NDUFV1: variants seen among roughly 807,000 people sequenced by gnomAD.
NDUFV1 encodes NADH:ubiquinone oxidoreductase core subunit V1.
NDUFV1 carries 41 observed loss-of-function variants against 48.7 expected under a neutral mutation model. That is an observed-to-expected ratio of 0.84 (90% CI 0.66 to 1.09). NDUFV1 has a LOEUF of 1.09. Among genes scored for constraint, NDUFV1 ranks in the 50% least tolerant of loss-of-function variants. NDUFV1 has a pLI of 0.00. For missense variants in NDUFV1, 580 were observed against 645.4 expected, an observed-to-expected ratio of 0.90 and a Z score of 1.10; for synonymous variants, 231 against 259.1, an observed-to-expected ratio of 0.89 and a Z score of 1.04.
rs148408365 is a variant in NDUFV1, at chr11:67,611,554, C to A, written c.1065C>A (p.Ile355=). The part of the protein sequence containing the change: ...AQTGLGTAAV[I]VMDRSTDIVK... ...CAGGCCTGGGCACAGCTGCGGTGAT[C>A]GTCATGGACCGCTCGGTAAGGGTTC... is the stretch of plus-strand genomic sequence containing the variant. Residue 355 remains isoleucine (I), a synonymous_variant, in exon 7 of 10, where the codon ATC becomes ATA. Coordinates refer to ENST00000322776, the MANE Select transcript of NDUFV1 (RefSeq NM_007103.4). The surrounding 1 kb of genome is among the most constrained non-coding windows in gnomAD (Gnocchi z 4.2). The A allele has an allele frequency of 1.2e-6, 2 of 1,606,850 alleles. No individual in the cohort carries two copies. The highest frequency in any genetic ancestry group is 8.5e-7 in the Non-Finnish European group (1 of 1,176,694).
chr11:67,610,616 C>T (rs1406988492), intron 5 of NDUFV1, 46 bp downstream of exon 5: 4 of 1,603,982 alleles, frequency 2.5e-6, no homozygotes, highest in African/African-American at 1.3e-5. Flanking sequence ...CTGTGACACC[C>T]GGGATCTGGC....
intron 5 of NDUFV1, 156 bp downstream of exon 5, chr11:67,610,726 C>A: frequency 9.5e-7 from 1 of 1,055,348 alleles, no homozygotes; most frequent in South Asian, 1.4e-5. Context: ...CCCCCAGGGC[C>A]GCCTGCTGTC....
chr11:67,611,236 G>T lies in NDUFV1; in HGVS notation c.913+29G>T, dbSNP rs11227858. On this transcript the variant is annotated intron_variant, in intron 6 of 9. Transcript: ENST00000322776. The surrounding 1 kb of genome is among the most constrained non-coding windows in gnomAD (Gnocchi z 4.2). ...AGGCCTGGGGCCAGCCAGGTGGTGGGGGGGTGCGCAGTGGGGGCAGGTGTC... is the reference window on the plus strand; with the variant it reads ...AGGCCTGGGGCCAGCCAGGTGGTGGTGGGGTGCGCAGTGGGGGCAGGTGTC... The T allele has an allele frequency of 8.6e-3, 13,795 of 1,611,398 alleles. 1,031 individuals are homozygous for T. In the African/African-American group the frequency reaches 0.16, roughly 19 times the overall value.
chr11:67,607,749 C>T (rs1028143145), intron 1 of NDUFV1: 8 of 326,866 alleles, frequency 2.4e-5, no homozygotes, highest in Non-Finnish European at 1.2e-5. Context: ...GTTTGGCCAC[C>T]GACAGACCTG....
At position 67,610,586 on chromosome 11, in the gene NDUFV1, A is replaced by C; in HGVS notation, c.700+16A>C. On this transcript the variant is annotated intron_variant, in intron 5 of 9. Coordinates refer to ENST00000322776, the MANE Select transcript of NDUFV1 (RefSeq NM_007103.4). ...GCAGACGTGGGTAAGGCCTGGCGTA[A>C]CCCTGGGTCAGACTGTGTCCTGTGA... 1.2e-6 allele frequency: 2 copies of C among 1,613,150 alleles called. No individual in the cohort carries two copies. Among genetic ancestry groups the C allele is most frequent in the Non-Finnish European group, 1.7e-6 (2 of 1,179,758 alleles).
intron 3 of NDUFV1, 125 bp from the exon 4 acceptor site, chr11:67,609,327 G>T (rs779145991): frequency 3.5e-5 from 33 of 935,680 alleles, no homozygotes; most frequent in South Asian, 1.1e-4. Context: ...ATGTTGGGAG[G>T]GCAGTAAAGG....
chr11:67,607,475 G>C (rs1458891273), intron 1 of NDUFV1: 1 of 473,246 alleles, frequency 2.1e-6, no homozygotes, highest in African/African-American at 2.0e-5. Flanking sequence ...TAAAAGGATG[G>C]GAATCCCGTC....
chr11:67,609,635 G>T lies in NDUFV1; in HGVS notation c.510G>T (p.Gln170His). ...GEFYNEASNLQVAIREAYEAG... is the reference protein window; with the variant it reads ...GEFYNEASNLHVAIREAYEAG... ...TCTACAATGAGGCCTCCAATCTGCAGGTGGGTAGGGAGAGATGTAGACAGA... is the reference window on the plus strand; with the variant it reads ...TCTACAATGAGGCCTCCAATCTGCATGTGGGTAGGGAGAGATGTAGACAGA... Residue 170 changes from glutamine (Q) to histidine (H), a missense_variant and splice_region_variant, in exon 4 of 10, where the codon CAG (glutamine) becomes CAT (histidine). Physicochemically the swap from Gln to His is conservative, Grantham distance 24 (BLOSUM62 0). Transcript: ENST00000322776. 2 of 1,602,786 alleles carry T rather than the reference G, an allele frequency of 1.2e-6. No homozygotes were observed.
intron 1 of NDUFV1, 107 bp from the exon 2 acceptor site, chr11:67,608,289 C>T: frequency 9.4e-7 from 1 of 1,067,188 alleles, no homozygotes; most frequent in South Asian, 1.3e-5. Context: ...CTTCCCTAGC[C>T]CTAGCCCAGC....
intron 1 of NDUFV1, chr11:67,607,347 C>G: frequency 1.5e-6 from 1 of 653,520 alleles, no homozygotes; most frequent in Non-Finnish European, 2.8e-6. Flanking sequence ...CCTAGTCTTT[C>G]ATTCTCTCCT....
rs929949173 is a variant in NDUFV1 at position 67,611,858 on chromosome 11, C to T, written c.1081-39C>T. The T allele has an allele frequency of 2.5e-6, 4 of 1,608,806 alleles. No homozygotes were observed. Among genetic ancestry groups the T allele is most frequent in the Non-Finnish European group, 3.4e-6 (4 of 1,175,372 alleles). On this transcript the variant is annotated intron_variant, in intron 7 of 9. Transcript: ENST00000322776. The surrounding 1 kb of genome is among the most constrained non-coding windows in gnomAD (Gnocchi z 4.2). ...AGGGGGCTGAGGCCCAGGCTTCTGT[C>T]TGGCCGTGGGTGCCTGCTAATTGCC...
chr11:67,607,050 G>T lies in NDUFV1; in HGVS notation c.46G>T (p.Val16Leu), dbSNP rs982669367. ...GCTCGGCTGGTCGCTTCCCGCGCGG[G>T]TATCTGTGCGTTTCAGCGGCGACAC... ...RLLGWSLPARVSVRFSGDTTA... is the reference protein window; with the variant it reads ...RLLGWSLPARLSVRFSGDTTA... The change falls in exon 1 of 10, where the codon GTA becomes TTA. Residue 16 changes from valine to leucine, a missense_variant. Transcript: ENST00000322776. The T allele has an allele frequency of 1.9e-6, 3 of 1,608,844 alleles. No homozygotes were observed. The highest frequency in any genetic ancestry group is 1.3e-5 in the African/African-American group (1 of 74,898).
chr11:67,610,710 C>G, intron 5 of NDUFV1, 140 bp downstream of exon 5: 15 of 1,190,654 alleles, frequency 1.3e-5, no homozygotes, highest in Non-Finnish European at 1.7e-5. Context: ...CAACAACACA[C>G]AGGCTCCCCC....
rs752045049 is a variant in NDUFV1, at chr11:67,612,442, G to A, written c.1379G>A (p.Arg460Gln). 4.3e-6 allele frequency: 7 copies of A among 1,611,738 alleles called. No individual in the cohort carries two copies. The highest frequency in any genetic ancestry group is 2.2e-5 in the East Asian group (1 of 44,856). ...CGGTTTGCCCAGCAGCATCAGGCCC[G>A]GCAGGCTGCCTCTTAGCCCACCACC... Reference protein sequence around the residue: ...MQRFAQQHQARQAAS With the variant: ...MQRFAQQHQAQQAAS The change falls in exon 10 of 10, where the codon CGG becomes CAG. Residue 460 changes from arginine (R) to glutamine (Q), a missense_variant. By Grantham distance (43) the Arg-to-Gln change is conservative. Transcript: ENST00000322776. This position sits in a 1 kb window ranked among gnomAD's most constrained non-coding sequence, Gnocchi z 4.4.
chr11:67,608,296 C>T (rs1196233224), intron 1 of NDUFV1, 100 bp from the exon 2 acceptor site: 8 of 1,131,976 alleles, frequency 7.1e-6, no homozygotes, highest in East Asian at 7.0e-5. Flanking sequence ...AGCCCTAGCC[C>T]AGCCCCTCCT....
Position 67,609,507 on chromosome 11 carries a change from C to G in NDUFV1, c.382C>G (p.Arg128Gly). The G allele has an allele frequency of 6.2e-7, 1 of 1,613,506 alleles. No individual in the cohort carries two copies. Among genetic ancestry groups the G allele is most frequent in the Non-Finnish European group, 8.5e-7 (1 of 1,179,858 alleles). Residue 128 changes from arginine to glycine, a missense_variant, in exon 4 of 10, where the codon CGG becomes GGG. Physicochemically the swap from Arg to Gly is moderately radical, Grantham distance 125. Transcript: ENST00000322776. ...GGGGGAGCCGGGCACCTGCAAGGAC[C>G]GGGAGATCTTACGCCATGATCCTCA... ...DEGEPGTCKD[R>G]EILRHDPHKL...
Position 67,608,472 on chromosome 11 carries a change from A to G in NDUFV1, c.149A>G (p.Asp50Gly). 1 of 1,614,114 alleles carries G rather than the reference A, an allele frequency of 6.2e-7. No homozygotes were observed. Among genetic ancestry groups the G allele is most frequent in the Non-Finnish European group, 8.5e-7 (1 of 1,179,996 alleles). ...RIFTNLYGRH[D>G]WRLKGSLSRG... ...TTCACCAACCTGTACGGCCGCCATG[A>G]CTGGAGGTGAGACAGTGCCCTTAGT... The change falls in exon 2 of 10, where the codon GAC becomes GGC. Residue 50 changes from aspartate (D) to glycine (G), a missense_variant. Coordinates refer to ENST00000322776, the MANE Select transcript of NDUFV1 (RefSeq NM_007103.4).
In NDUFV1 at chr11:67,612,037, C is replaced by G; in HGVS notation, c.1162+59C>G. On this transcript the variant is annotated intron_variant, in intron 8 of 9. Transcript: ENST00000322776. This position sits in a 1 kb window ranked among gnomAD's most constrained non-coding sequence, Gnocchi z 4.4. Reference sequence around the variant, plus strand: ...GTGGCTTCATTTAACCTCCTCCCCACCACGTGGCCTGCAGCCCTCAAGCGC... The same window carrying G: ...GTGGCTTCATTTAACCTCCTCCCCAGCACGTGGCCTGCAGCCCTCAAGCGC... 1 of 1,613,518 alleles carries G rather than the reference C, an allele frequency of 6.2e-7. No individual in the cohort carries two copies. Among genetic ancestry groups the G allele is most frequent in the Non-Finnish European group, 8.5e-7 (1 of 1,179,850 alleles).
Position 67,611,165 on chromosome 11 carries a change from G to A in NDUFV1, c.871G>A (p.Glu291Lys), listed in dbSNP as rs1017020344. 5.0e-6 allele frequency: 8 copies of A among 1,614,092 alleles called. No homozygotes were observed. In the Admixed American group the frequency reaches 5.0e-5, roughly 10 times the overall value. ...HVNHPCTVEE[E>K]MSVPLKELIE... ...CAACCACCCTTGCACTGTGGAGGAG[G>A]AGATGTCTGTGCCCTTGAAAGAACT... Residue 291 changes from glutamate to lysine, a missense_variant, in exon 6 of 10, where the codon GAG (glutamate) becomes AAG (lysine). Transcript: ENST00000322776. The surrounding 1 kb of genome is among the most constrained non-coding windows in gnomAD (Gnocchi z 4.2).
Sources: allele counts gnomAD v4.1 joint callset, GRCh38; gene constraint gnomAD v4.1.1; non-coding constraint Gnocchi (gnomAD v3.1); transcripts MANE v1.5; gene names NCBI Gene and HGNC (gene_info 2026-07-23, HGNC 2026-07-21).